The following TSPAN32 variants were observed in gnomAD, a reference collection of about 807,000 sequenced individuals.
The protein encoded by TSPAN32 is tetraspanin-32.
In TSPAN32, 47 loss-of-function variants were observed where a neutral mutation model predicts 42.7. The observed-to-expected ratio is 1.10, with a 90% CI of 0.87 to 1.40. The LOEUF (loss-of-function observed/expected upper bound fraction) is 1.40, where lower values mean the gene tolerates loss of function less well. TSPAN32 is among the 40% of genes most tolerant of loss of function. The pLI, the probability that TSPAN32 is intolerant of heterozygous loss-of-function variation, is 0.00. For missense variants in TSPAN32, 469 were observed against 424.1 expected, an observed-to-expected ratio of 1.11 and a Z score of -0.93; for synonymous variants, 175 against 175.9, an observed-to-expected ratio of 0.99 and a Z score of 0.04.
At chr11:2,316,208 A>G (rs1589819602) in intron 6 of TSPAN32, 21 bp from the exon 7 acceptor site, 2 of 1,544,576 alleles carry the variant, frequency 1.3e-6, no homozygotes, top group Non-Finnish European at 1.7e-6. Flanking sequence ...GGCGGGTACC[A>G]TGCCTGCTGC....
rs757059123 is a variant in TSPAN32 at position 2,317,537 on chromosome 11, C to T, written c.901+12C>T. The T allele has an allele frequency of 1.3e-6, 2 of 1,565,378 alleles. No homozygotes were observed. Among genetic ancestry groups the T allele is most frequent in the South Asian group, 2.3e-5 (2 of 86,066 alleles). ...GGCTGCCCACAGAGGTGAAGACGCC[C>T]CTGCTGTCAGCCCTCATGGGATCCC... On this transcript the variant is annotated intron_variant, in intron 9 of 9. Transcript: ENST00000182290. The surrounding 1 kb of genome is among the most constrained non-coding windows in gnomAD (Gnocchi z 6.2).
At position 2,314,555 on chromosome 11, in the gene TSPAN32, A is replaced by C. The variant is rs1589816199; in HGVS notation, c.527A>C (p.Glu176Ala). The C allele has an allele frequency of 6.2e-7, 1 of 1,610,476 alleles. No homozygotes were observed. Among genetic ancestry groups the C allele is most frequent in the African/African-American group, 1.3e-5 (1 of 74,862 alleles). ...ACAGAGGCTGACCTGTGTCAGGGAGAGGAGGCGGCGAGAGAGGTGAGGGGG... is the reference window on the plus strand; with the variant it reads ...ACAGAGGCTGACCTGTGTCAGGGAGCGGAGGCGGCGAGAGAGGTGAGGGGG... ...GSTEADLCQG[E>A]EAAREDCLQG... The change falls in exon 6 of 10, where the codon GAG becomes GCG. Residue 176 changes from glutamate (E) to alanine (A), a missense_variant. By Grantham distance (107) the Glu-to-Ala change is moderately radical. Coordinates refer to ENST00000182290, the MANE Select transcript of TSPAN32 (RefSeq NM_139022.3).
Position 2,314,504 on chromosome 11 carries a change from A to G in TSPAN32, c.476A>G (p.Lys159Arg), listed in dbSNP as rs1352085830. Reference sequence around the variant, plus strand: ...CTGTAGTTTCTGTGCTGTGGGAAGAAGTCTCCTTTCAGCCGTCTGGGGAGC... The same window carrying G: ...CTGTAGTTTCTGTGCTGTGGGAAGAGGTCTCCTTTCAGCCGTCTGGGGAGC... ...IQDVFLCCGKKSPFSRLGSTE... is the reference protein window; with the variant it reads ...IQDVFLCCGKRSPFSRLGSTE... The change falls in exon 6 of 10, where the codon AAG becomes AGG. Residue 159 changes from lysine to arginine, a missense_variant. Lys to Arg is a conservative substitution (Grantham distance 26). Transcript: ENST00000182290. 6.2e-7 allele frequency: 1 copy of G among 1,612,610 alleles called. No homozygotes were observed. The highest frequency in any genetic ancestry group is 2.2e-5 in the East Asian group (1 of 44,846).
chr11:2,308,755 T>C lies in TSPAN32; in HGVS notation c.299T>C (p.Leu100Pro). ...LMAGGFLCFSLAFCAQVQVVF... is the reference protein window; with the variant it reads ...LMAGGFLCFSPAFCAQVQVVF... ...CCCCAGGGCTTCCTGTGCTTCTCCC[T>C]GGCGTTCTGCGCACAGGTGCAGGTG... Residue 100 changes from leucine to proline, a missense_variant, in exon 4 of 10, where the codon CTG becomes CCG. Leu to Pro is a moderately conservative substitution (Grantham distance 98, BLOSUM62 -3). Coordinates refer to ENST00000182290, the MANE Select transcript of TSPAN32 (RefSeq NM_139022.3). The C allele has an allele frequency of 1.3e-6, 2 of 1,565,924 alleles. No homozygotes were observed. Among genetic ancestry groups the C allele is most frequent in the South Asian group, 1.2e-5 (1 of 85,398 alleles).
At chr11:2,314,403 G>A (rs1848657148) in intron 5 of TSPAN32, 82 bp from the exon 6 acceptor site, 1 of 1,108,974 alleles carries the variant, frequency 9.0e-7, no homozygotes, top group South Asian at 1.3e-5. Flanking sequence ...GATACTTGTG[G>A]TGCCTCAGTT....
chr11:2,317,560 C>A lies in TSPAN32; in HGVS notation c.901+35C>A, dbSNP rs1848881998. ...CCCCTGCTGTCAGCCCTCATGGGAT[C>A]CCTGAGGGGAGGGTCCGAGCTGTGA... On this transcript the variant is annotated intron_variant, in intron 9 of 9. Transcript: ENST00000182290. The surrounding 1 kb of genome is among the most constrained non-coding windows in gnomAD (Gnocchi z 6.2). 25 of 1,545,966 alleles carry A rather than the reference C, an allele frequency of 1.6e-5. No individual in the cohort carries two copies. The highest frequency in any genetic ancestry group is 2.1e-5 in the Non-Finnish European group (24 of 1,150,158).
rs1170825000 is a variant in TSPAN32, at chr11:2,316,077, C to T, written c.544-152C>T. On this transcript the variant is annotated intron_variant, in intron 6 of 9. Transcript: ENST00000182290. ...GCTCGTGCTGCCTTTCCCTAGAGCC[C>T]TGGGGGCTTCCTAGGAATGTGCCGC... 3.3e-6 allele frequency: 5 copies of T among 1,532,294 alleles called. No homozygotes were observed. In the East Asian group the frequency reaches 9.8e-5, roughly 30 times the overall value. 94.9% of individuals were successfully genotyped at this position (1,532,294 alleles called of 1,614,324 possible).
At chr11:2,303,976 C>A in intron 2 of TSPAN32, 131 bp from the exon 3 acceptor site, 1 of 653,620 alleles carries the variant, frequency 1.5e-6, no homozygotes, top group Non-Finnish European at 2.7e-6. Flanking sequence ...GATGGAGAGA[C>A]AGGCCCATTC....
chr11:2,308,793 C>G lies in TSPAN32; in HGVS notation c.337C>G (p.Leu113Val). The change falls in exon 4 of 10, where the codon CTC (leucine) becomes GTC (valine). Residue 113 changes from leucine (L) to valine (V), a missense_variant. Transcript: ENST00000182290. ...ACAGGTGCAGGTGGTGTTCTGGAGA[C>G]TCCACAGCCCCACCCAGGTGAGCAC... ...CAQVQVVFWRLHSPTQVEDAM... is the reference protein window; with the variant it reads ...CAQVQVVFWRVHSPTQVEDAM... The G allele has an allele frequency of 1.3e-6, 2 of 1,569,984 alleles. No homozygotes were observed. The highest frequency in any genetic ancestry group is 1.7e-6 in the Non-Finnish European group (2 of 1,157,374).
chr11:2,307,259 G>A (rs563733386), intron 3 of TSPAN32, among the ~76,000 whole-genome samples: 18 of 152,300 alleles, frequency 1.2e-4, no homozygotes, highest in South Asian at 6.2e-4. Flanking sequence ...GCATGCCAGC[G>A]TTGTCGCTGC....
At position 2,317,829 on chromosome 11, in the gene TSPAN32, G is replaced by A; in HGVS notation, c.902-34G>A. 6.2e-7 allele frequency: 1 copy of A among 1,606,418 alleles called. No homozygotes were observed. The highest frequency in any genetic ancestry group is 8.5e-7 in the Non-Finnish European group (1 of 1,174,804). On this transcript the variant is annotated intron_variant, in intron 9 of 9. Coordinates refer to ENST00000182290, the MANE Select transcript of TSPAN32 (RefSeq NM_139022.3). This position sits in a 1 kb window ranked among gnomAD's most constrained non-coding sequence, Gnocchi z 6.2. ...TGCGTAAGAAGCAGCATGGATGTAA[G>A]GACTGCAAGCAGTGCCCATTTATGA...
At position 2,304,852 on chromosome 11, in the gene TSPAN32, G is replaced by A. The variant is rs952114406; in HGVS notation, c.279+648G>A. Reference sequence around the variant, plus strand: ...ATGGTCATCGCAGACCCCACCTGGCGGCAGCCTCCCCACGCCTGTCCTGCC... The same window carrying A: ...ATGGTCATCGCAGACCCCACCTGGCAGCAGCCTCCCCACGCCTGTCCTGCC... On this transcript the variant is annotated intron_variant, in intron 3 of 9. Coordinates refer to ENST00000182290, the MANE Select transcript of TSPAN32 (RefSeq NM_139022.3). This position sits in a 1 kb window ranked among gnomAD's most constrained non-coding sequence, Gnocchi z 4.8. Among the ~76,000 whole-genome samples the A allele has an allele frequency of 1.3e-5, 2 of 151,960 alleles. No individual in the cohort carries two copies. Among genetic ancestry groups the A allele is most frequent in the Non-Finnish European group, 2.9e-5 (2 of 67,976 alleles).
At chr11:2,308,847 C>A in intron 4 of TSPAN32, 37 bp downstream of exon 4, 2 of 1,430,604 alleles carry the variant, frequency 1.4e-6, no homozygotes, top group Non-Finnish European at 1.9e-6. Flanking sequence ...AGTGGAGGGT[C>A]CCCCAGTAAG....
Position 2,314,581 on chromosome 11 carries a change from G to C in TSPAN32, c.543+10G>C, listed in dbSNP as rs759121721. 1 of 1,599,092 alleles carries C rather than the reference G, an allele frequency of 6.3e-7. No homozygotes were observed. On this transcript the variant is annotated intron_variant, in intron 6 of 9. Transcript: ENST00000182290. ...GGAGGCGGCGAGAGAGGTGAGGGGG[G>C]GACCTGGATGCTGGCCAGGCAAGAC...
At position 2,316,534 on chromosome 11, in the gene TSPAN32, C is replaced by G; in HGVS notation, c.628-42C>G. 1.9e-6 allele frequency: 3 copies of G among 1,607,332 alleles called. No individual in the cohort carries two copies. In the South Asian group the frequency reaches 3.3e-5, roughly 18 times the overall value. On this transcript the variant is annotated intron_variant, in intron 7 of 9. Transcript: ENST00000182290. The stretch of plus-strand genomic sequence containing the variant: ...GATGCTTCCTGGGGAGGGGCGCCCG[C>G]ACCCTGGGGCAGTGGGGCAGCCGCG...
At chr11:2,310,427 T>C (rs1333658471) in intron 4 of TSPAN32, among the ~76,000 whole-genome samples, 1 of 152,188 alleles carries the variant, frequency 6.6e-6, no homozygotes, top group Non-Finnish European at 1.5e-5. Context: ...GGTCCTTGTC[T>C]GGCCCGTGCG....
At chr11:2,308,517 G>A (rs1409989770) in intron 3 of TSPAN32, among the ~76,000 whole-genome samples, 1 of 1,210 alleles carries the variant, frequency 8.3e-4, no homozygotes, top group East Asian at 1.8e-3. Context: ...CCAGCCCCCC[G>A]CAATGACCAG....
rs573288441 is a variant in TSPAN32, at chr11:2,303,749, T to G, written c.182-358T>G. ...CAGCTCCAGTCCGGCCACTTGTCAC[T>G]AGGACATGGCAGGAGGATGCCTGGG... On this transcript the variant is annotated intron_variant, in intron 2 of 9. Transcript: ENST00000182290. Among the ~76,000 whole-genome samples the G allele has an allele frequency of 1.7e-3, 258 of 151,558 alleles. 1 individual carries two copies. The highest frequency in any genetic ancestry group is 6.0e-3 in the African/African-American group (249 of 41,194).
chr11:2,315,160 T>TA, intron 6 of TSPAN32: 1 of 646,456 alleles, frequency 1.5e-6, no homozygotes, highest in Non-Finnish European at 2.1e-6. Flanking sequence ...CCGGCAGCCC[T>TA]CCCCCAGCCC....
Sources: allele counts gnomAD v4.1 joint callset (sites outside exome capture counted in the v4.1 genomes callset), GRCh38; gene constraint gnomAD v4.1.1; non-coding constraint Gnocchi (gnomAD v3.1); transcripts MANE v1.5; gene names NCBI Gene and HGNC (gene_info 2026-07-23, HGNC 2026-07-21).